Variants in ZCCHC2 observed in about 807,000 individuals in gnomAD.
ZCCHC2 encodes the protein zinc finger CCHC domain-containing protein 2.
In ZCCHC2, 39 loss-of-function variants were observed where a neutral mutation model predicts 103.6. The observed-to-expected ratio is 0.38, with a 90% CI of 0.29 to 0.49. The LOEUF (loss-of-function observed/expected upper bound fraction) is 0.49. Ranked by LOEUF, ZCCHC2 falls within the 20% of genes least tolerant of loss-of-function variation. The pLI, the probability that ZCCHC2 is intolerant of heterozygous loss-of-function variation, is 0.96. For synonymous variants in ZCCHC2, 687 were observed against 608.9 expected (o/e 1.13, Z -1.89); for missense variants, 1,483 against 1,491.0 (o/e 0.99, Z 0.09).
intron 1 of ZCCHC2, among the ~76,000 whole-genome samples, chr18:62,530,502 C>T (rs1260261411): frequency 6.6e-6 from 1 of 151,832 alleles, no homozygotes; most frequent in Non-Finnish European, 1.5e-5. Flanking sequence ...GCAGTGTTTT[C>T]AGGAATATGG....
Position 62,523,215 on chromosome 18 carries a change from C to T in ZCCHC2, c.-210C>T. 1 of 222,900 alleles carries T rather than the reference C, an allele frequency of 4.5e-6. No individual in the cohort carries two copies. Among genetic ancestry groups the T allele is most frequent in the Non-Finnish European group, 7.5e-6 (1 of 133,174 alleles). The allele number at this position is 222,900 out of a possible 1,614,324, so 13.8% of individuals were successfully genotyped here. ...GGGGAGGAGCCGTCGCGGGCACGCCCCGCCCCCAGCCCGGGAAGACGACGC... is the reference window on the plus strand; with the variant it reads ...GGGGAGGAGCCGTCGCGGGCACGCCTCGCCCCCAGCCCGGGAAGACGACGC... On this transcript the variant is annotated 5_prime_UTR_variant, in exon 1 of 14. Coordinates refer to ENST00000269499, the MANE Select transcript of ZCCHC2 (RefSeq NM_017742.6).
Position 62,576,496 on chromosome 18 carries a change from G to C in ZCCHC2, c.3470-16G>C. ...TGCTTGTAAGCGGTGACTTAGTTCT[G>C]TCTTTCCCATTTTAGGCACTTACAG... On this transcript the variant is annotated splice_polypyrimidine_tract_variant and intron_variant, in intron 13 of 13. Coordinates refer to ENST00000269499, the MANE Select transcript of ZCCHC2 (RefSeq NM_017742.6). The C allele has an allele frequency of 6.2e-7, 1 of 1,610,814 alleles. No homozygotes were observed. Among genetic ancestry groups the C allele is most frequent in the Admixed American group, 1.7e-5 (1 of 59,972 alleles).
At chr18:62,567,322 C>G (rs1568555432) in intron 11 of ZCCHC2, among the ~76,000 whole-genome samples, 1 of 152,144 alleles carries the variant, frequency 6.6e-6, no homozygotes. Context: ...TGTCTTGAAG[C>G]TGAAAATACT....
intron 8 of ZCCHC2, among the ~76,000 whole-genome samples, 168 bp downstream of exon 8, chr18:62,560,812 G>T (rs1916085080): frequency 6.6e-6 from 1 of 150,608 alleles, no homozygotes; most frequent in East Asian, 1.9e-4. Context: ...CCTCCTTTTG[G>T]GTTGTTTTTC....
intron 1 of ZCCHC2, among the ~76,000 whole-genome samples, chr18:62,536,573 A>AAGT (rs943159541): frequency 2.4e-4 from 36 of 152,146 alleles, no homozygotes; most frequent in African/African-American, 8.2e-4. Context: ...CCCCTAAGGA[A>AAGT]AGTAAAGAGG....
At chr18:62,543,113 C>G (rs1915269540) in intron 3 of ZCCHC2, among the ~76,000 whole-genome samples, 1 of 152,132 alleles carries the variant, frequency 6.6e-6, no homozygotes, top group South Asian at 2.1e-4. Context: ...CCACATCTTC[C>G]TTACTTCTCC....
In ZCCHC2 at chr18:62,524,304, G is replaced by A; in HGVS notation, c.880G>A (p.Gly294Ser). 1 of 1,548,748 alleles carries A rather than the reference G, an allele frequency of 6.5e-7. No homozygotes were observed. The highest frequency in any genetic ancestry group is 8.7e-7 in the Non-Finnish European group (1 of 1,146,344). The change falls in exon 1 of 14, where the codon GGC becomes AGC. Residue 294 changes from glycine to serine, a missense_variant. By Grantham distance (56) the Gly-to-Ser change is moderately conservative (BLOSUM62 0). Around this residue, in one of 3 missense-constraint regions of ZCCHC2, gnomAD observed 568 missense variants for 525.1 expected, o/e 1.08. Coordinates refer to ENST00000269499, the MANE Select transcript of ZCCHC2 (RefSeq NM_017742.6). ...LERLRAALRG[G>S]PEDAEVEVEP... ...GAGGCTCCGCGCCGCGCTCCGCGGGGGCCCCGAGGACGCGGAGGTGGAGGT... is the reference window on the plus strand; with the variant it reads ...GAGGCTCCGCGCCGCGCTCCGCGGGAGCCCCGAGGACGCGGAGGTGGAGGT...
chr18:62,564,738 A>AT (rs1916272300), intron 10 of ZCCHC2, 103 bp downstream of exon 10: 1 of 943,016 alleles, frequency 1.1e-6, no homozygotes, highest in Non-Finnish European at 1.5e-6. Flanking sequence ...TTTTCTTTAT[A>AT]TTTTTAATTC....
chr18:62,547,383 C>T (rs539911387), intron 4 of ZCCHC2, among the ~76,000 whole-genome samples: 1 of 150,510 alleles, frequency 6.6e-6, no homozygotes, highest in African/African-American at 2.4e-5. Flanking sequence ...TGTGTCCAAA[C>T]GAACACCCTT....
chr18:62,535,347 T>C (rs1394946043), intron 1 of ZCCHC2, among the ~76,000 whole-genome samples: 1 of 152,212 alleles, frequency 6.6e-6, no homozygotes, highest in Non-Finnish European at 1.5e-5. Context: ...GAGAGCATGT[T>C]GGCAAAGGAA....
chr18:62,575,342 C>T lies in ZCCHC2; in HGVS notation c.3261C>T (p.Asp1087=), dbSNP rs1406176178. 1 of 1,613,960 alleles carries T rather than the reference C, an allele frequency of 6.2e-7. No homozygotes were observed. Among genetic ancestry groups the T allele is most frequent in the Non-Finnish European group, 8.5e-7 (1 of 1,179,866 alleles). The change falls in exon 13 of 14, where the codon GAC becomes GAT. Residue 1087 remains aspartate, a synonymous_variant. Coordinates refer to ENST00000269499, the MANE Select transcript of ZCCHC2 (RefSeq NM_017742.6). ...QTPYANGLVH[D]PVMGSQANYG... is the part of the protein sequence containing the mutation. ...CATATGCAAATGGACTGGTACATGA[C>T]CCAGTCATGGGGAGCCAAGCCAACT...
chr18:62,540,926 C>T (rs1316443017), intron 2 of ZCCHC2, among the ~76,000 whole-genome samples: 6 of 152,270 alleles, frequency 3.9e-5, no homozygotes, highest in African/African-American at 1.4e-4. Context: ...ATCACTGAAG[C>T]TGTGTTCCCA....
chr18:62,569,443 G>T (rs75468922), intron 11 of ZCCHC2, among the ~76,000 whole-genome samples: 7 of 151,992 alleles, frequency 4.6e-5, no homozygotes, highest in Non-Finnish European at 7.4e-5. Context: ...GCAGAATTAC[G>T]CTAGCTACTG....
At position 62,545,225 on chromosome 18, in the gene ZCCHC2, G is replaced by GA. The variant is rs998524926; in HGVS notation, c.1200+363dup. 2.9e-3 allele frequency among the ~76,000 whole-genome samples: 424 copies of GA among 143,782 alleles called. 4 individuals carry two copies. Among genetic ancestry groups the GA allele is most frequent in the African/African-American group, 8.6e-3 (339 of 39,396 alleles). The allele number at this position is 143,782 out of a possible 152,430, so 94.3% of individuals were successfully genotyped here. ...ACTTAGTGAGAACCTATCTCTATTT[G>GA]AAAAAAAAAAAGGAACCCTGTTCCT... On this transcript the variant is annotated intron_variant, in intron 4 of 13. Coordinates refer to ENST00000269499, the MANE Select transcript of ZCCHC2 (RefSeq NM_017742.6).
chr18:62,528,067 G>A (rs1914513495), intron 1 of ZCCHC2, among the ~76,000 whole-genome samples: 1 of 152,164 alleles, frequency 6.6e-6, no homozygotes, highest in Non-Finnish European at 1.5e-5. Flanking sequence ...TGATTAATAT[G>A]GTATGACGAT....
At position 62,570,205 on chromosome 18, in the gene ZCCHC2, T is replaced by A; in HGVS notation, c.1949T>A (p.Phe650Tyr). The A allele has an allele frequency of 1.9e-6, 3 of 1,611,758 alleles. No homozygotes were observed. Among genetic ancestry groups the A allele is most frequent in the Non-Finnish European group, 2.5e-6 (3 of 1,178,898 alleles). The change falls in exon 12 of 14, where the codon TTT (phenylalanine) becomes TAT (tyrosine). Residue 650 changes from phenylalanine (F) to tyrosine (Y), a missense_variant. Transcript: ENST00000269499. ...SSPRHDGRES[F>Y]ESEEEKDRDT... ...CCCCGACATGATGGAAGAGAAAGTTTTGAAAGTGAAGAAGAGAAAGACAGA... is the reference window on the plus strand; with the variant it reads ...CCCCGACATGATGGAAGAGAAAGTTATGAAAGTGAAGAAGAGAAAGACAGA...
chr18:62,563,996 T>C (rs1408372757), intron 9 of ZCCHC2, among the ~76,000 whole-genome samples: 1 of 152,226 alleles, frequency 6.6e-6, no homozygotes, highest in Non-Finnish European at 1.5e-5. Context: ...AAGTATGGAA[T>C]GAAACTTCTC....
rs141965610 is a variant in ZCCHC2, at chr18:62,537,184, T to C, written c.940-2497T>C. On this transcript the variant is annotated intron_variant, in intron 1 of 13. Coordinates refer to ENST00000269499, the MANE Select transcript of ZCCHC2 (RefSeq NM_017742.6). ...ACCTGGTAACTACTATTCTACTTTT[T>C]TTGTTTGCTTTAGAGACAGGGTCTT... 5.6e-4 allele frequency among the ~76,000 whole-genome samples: 86 copies of C among 152,274 alleles called. 1 individual carries two copies. The East Asian group carries it at 0.016, about 28-fold the overall frequency.
chr18:62,523,921 A>G lies in ZCCHC2; in HGVS notation c.497A>G (p.Glu166Gly). 2 of 1,532,808 alleles carry G rather than the reference A, an allele frequency of 1.3e-6. No homozygotes were observed. The highest frequency in any genetic ancestry group is 8.7e-7 in the Non-Finnish European group (1 of 1,143,132). 95.0% of individuals were successfully genotyped at this position (1,532,808 alleles called of 1,614,324 possible). ...CCGGGGCCGCTGGCCGACTTCCGAG[A>G]GCCCGCGGTGCGCTCGCGCCTCATC... ...SDPGPLADFREPAVRSRLIVY... is the reference protein window; with the variant it reads ...SDPGPLADFRGPAVRSRLIVY... Residue 166 changes from glutamate to glycine, a missense_variant, in exon 1 of 14, where the codon GAG (glutamate) becomes GGG (glycine). This residue lies in a region of ZCCHC2 where 568 missense variants were observed against 525.1 expected (regional missense o/e 1.08). Transcript: ENST00000269499.
Sources: gnomAD v4.1 joint callset for allele counts (sites outside exome capture counted in the v4.1 genomes callset) on GRCh38, gnomAD v4.1.1 for gene constraint, gnomAD v4.1.1 regional missense constraint, MANE v1.5 for transcripts, NCBI Gene and HGNC (gene_info 2026-07-23, HGNC 2026-07-21) for gene names.